Variants in MRPS18A observed in about 807,000 individuals in gnomAD.
MRPS18A encodes the protein large ribosomal subunit protein mL66.
Under a neutral mutation model 22.7 loss-of-function variants are expected in MRPS18A, and 20 were observed. The observed-to-expected ratio is 0.88, with a 90% CI of 0.62 to 1.28. The LOEUF (loss-of-function observed/expected upper bound fraction) is 1.28, where lower values mean the gene tolerates loss of function less well. Among genes scored for constraint, MRPS18A ranks in the 50% most tolerant of loss-of-function variants. The pLI, the probability that MRPS18A is intolerant of heterozygous loss-of-function variation, is 0.00. For synonymous variants in MRPS18A, 106 were observed against 99.1 expected (o/e 1.07, Z -0.41); for missense variants, 294 against 262.6 (o/e 1.12, Z -0.83).
chr6:43,672,044 A>C, intron 5 of MRPS18A, 138 bp from the exon 6 acceptor site: 1 of 1,074,638 alleles, frequency 9.3e-7, no homozygotes, highest in South Asian at 1.7e-5. Context: ...CCTGAAGTGC[A>C]GGGATTTTCC....
chr6:43,671,454 T>TAAGC lies in MRPS18A; in HGVS notation c.*304_*307dup. On this transcript the variant is annotated 3_prime_UTR_variant, in exon 6 of 6. Coordinates refer to ENST00000372133, the MANE Select transcript of MRPS18A (RefSeq NM_018135.4). ...AAGCAGTGAGCGCACACCCAATGGG[T>TAAGC]AAGCCCATGAACCCAGTTTATGACA... is the stretch of plus-strand genomic sequence containing the variant. 3 of 464,788 alleles carry TAAGC rather than the reference T, an allele frequency of 6.5e-6. No individual in the cohort carries two copies. Among genetic ancestry groups the TAAGC allele is most frequent in the Non-Finnish European group, 1.2e-5 (3 of 256,234 alleles). 28.8% of individuals were successfully genotyped at this position (464,788 alleles called of 1,614,324 possible).
Position 43,673,803 on chromosome 6 carries a change from A to C in MRPS18A, c.446+1399T>G, listed in dbSNP as rs1236661894. Among the ~76,000 whole-genome samples the C allele has an allele frequency of 6.6e-6, 1 of 152,198 alleles. No individual in the cohort carries two copies. Among genetic ancestry groups the C allele is most frequent in the African/African-American group, 2.4e-5 (1 of 41,444 alleles). ...CTGCAAGGGAATCCATTTCCTTCGTAGCCTGAACTCCCCCTCCCGCTCAGC... is the reference window on the plus strand; with the variant it reads ...CTGCAAGGGAATCCATTTCCTTCGTCGCCTGAACTCCCCCTCCCGCTCAGC... On this transcript the variant is annotated intron_variant, in intron 5 of 5. Coordinates refer to ENST00000372133, the MANE Select transcript of MRPS18A (RefSeq NM_018135.4). This position sits in a 1 kb window ranked among gnomAD's most constrained non-coding sequence, Gnocchi z 4.2.
chr6:43,674,470 C>T (rs905201120), intron 5 of MRPS18A, among the ~76,000 whole-genome samples: 1 of 152,226 alleles, frequency 6.6e-6, no homozygotes. Context: ...ATCAATTCTA[C>T]AGACCTGGCT....
chr6:43,678,556 TG>T lies in MRPS18A; in HGVS notation c.213del (p.Ile72SerfsTer6). The T allele has an allele frequency of 6.2e-7, 1 of 1,613,890 alleles. No individual in the cohort carries two copies. The highest frequency in any genetic ancestry group is 2.2e-5 in the East Asian group (1 of 44,858). On this transcript the variant is annotated frameshift_variant, in exon 3 of 6. Coordinates refer to ENST00000372133, the MANE Select transcript of MRPS18A (RefSeq NM_018135.4). LOFTEE classifies it high-confidence loss of function. The part of the protein sequence containing the change: ...PNPPNPSGQC[P>X]ICRWNLKHKY... The stretch of plus-strand genomic sequence containing the variant: ...TTGTGCTTCAGGTTCCAACGGCAGA[TG>T]GGGCACTGGCCAGAGGGGTTAGGAG...
rs970756981 is a variant in MRPS18A at position 43,671,449 on chromosome 6, A to G, written c.*313T>C. 6.6e-6 allele frequency: 3 copies of G among 453,020 alleles called. No individual in the cohort carries two copies. Among genetic ancestry groups the G allele is most frequent in the South Asian group, 4.9e-5 (2 of 41,050 alleles). The allele number at this position is 453,020 out of a possible 1,614,324, so 28.1% of individuals were successfully genotyped here. ...TTCCCAAGCAGTGAGCGCACACCCAATGGGTAAGCCCATGAACCCAGTTTA... is the reference window on the plus strand; with the variant it reads ...TTCCCAAGCAGTGAGCGCACACCCAGTGGGTAAGCCCATGAACCCAGTTTA... On this transcript the variant is annotated 3_prime_UTR_variant, in exon 6 of 6. Coordinates refer to ENST00000372133, the MANE Select transcript of MRPS18A (RefSeq NM_018135.4).
rs2127941643 is a variant in MRPS18A at position 43,673,797 on chromosome 6, C to T, written c.446+1405G>A. Among the ~76,000 whole-genome samples the T allele has an allele frequency of 6.6e-6, 1 of 152,354 alleles. No individual in the cohort carries two copies. The highest frequency in any genetic ancestry group is 6.5e-5 in the Admixed American group (1 of 15,312). Reference sequence around the variant, plus strand: ...ACTCCCCTGCAAGGGAATCCATTTCCTTCGTAGCCTGAACTCCCCCTCCCG... The same window carrying T: ...ACTCCCCTGCAAGGGAATCCATTTCTTTCGTAGCCTGAACTCCCCCTCCCG... On this transcript the variant is annotated intron_variant, in intron 5 of 5. Transcript: ENST00000372133. This position sits in a 1 kb window ranked among gnomAD's most constrained non-coding sequence, Gnocchi z 4.2.
intron 5 of MRPS18A, among the ~76,000 whole-genome samples, chr6:43,672,907 G>A (rs1481371422): frequency 6.6e-6 from 1 of 152,122 alleles, no homozygotes; most frequent in Non-Finnish European, 1.5e-5. Context: ...AGGGATGGGA[G>A]GGCCTTCCAT....
intron 3 of MRPS18A, 38 bp downstream of exon 3, chr6:43,678,480 T>C: frequency 6.8e-7 from 1 of 1,472,164 alleles, no homozygotes; most frequent in Non-Finnish European, 9.5e-7. Flanking sequence ...GAGAACTTCA[T>C]GACACACAGA....
rs771496929 is a variant in MRPS18A, at chr6:43,678,596, C to A, written c.174G>T (p.Lys58Asn). ...IIEGRITATP[K>N]ESPNPPNPSG... Reference sequence around the variant, plus strand: ...AGGGGTTAGGAGGATTTGGACTCTCCTTGGGAGTCGCTGTGATACGGCCTT... The same window carrying A: ...AGGGGTTAGGAGGATTTGGACTCTCATTGGGAGTCGCTGTGATACGGCCTT... The change falls in exon 3 of 6, where the codon AAG becomes AAT. Residue 58 changes from lysine to asparagine, a missense_variant. Coordinates refer to ENST00000372133, the MANE Select transcript of MRPS18A (RefSeq NM_018135.4). The A allele has an allele frequency of 6.2e-6, 10 of 1,613,762 alleles. No individual in the cohort carries two copies. Among genetic ancestry groups the A allele is most frequent in the Non-Finnish European group, 8.5e-6 (10 of 1,179,758 alleles).
chr6:43,683,979 A>G (rs751885612), intron 1 of MRPS18A, among the ~76,000 whole-genome samples: 2 of 152,136 alleles, frequency 1.3e-5, no homozygotes, highest in African/African-American at 2.4e-5. Context: ...AACAAATGAC[A>G]TTGTGGTGAG....
chr6:43,675,838 G>A (rs1774024140), intron 3 of MRPS18A, among the ~76,000 whole-genome samples: 1 of 151,846 alleles, frequency 6.6e-6, no homozygotes, highest in Non-Finnish European at 1.5e-5. Context: ...AACCCCAAGA[G>A]CTCCCAGCTT....
intron 1 of MRPS18A, among the ~76,000 whole-genome samples, chr6:43,684,157 G>A (rs1223100684): frequency 6.6e-6 from 1 of 152,002 alleles, no homozygotes; most frequent in African/African-American, 2.4e-5. Context: ...AAACCTTGAT[G>A]GCCACATGAA....
chr6:43,681,044 C>A, intron 2 of MRPS18A, 45 bp downstream of exon 2: 1 of 1,603,654 alleles, frequency 6.2e-7, no homozygotes, highest in South Asian at 1.1e-5. Flanking sequence ...CCAGGCAGCT[C>A]CAAGCGTTAA....
chr6:43,675,446 G>C (rs1050451966), intron 4 of MRPS18A, 48 bp downstream of exon 4: 15 of 1,613,650 alleles, frequency 9.3e-6, no homozygotes, highest in Non-Finnish European at 1.3e-5. Context: ...TGGGTGGGGA[G>C]AGAGTGCCTG....
At chr6:43,684,849 T>C (rs1318488309) in intron 1 of MRPS18A, among the ~76,000 whole-genome samples, 1 of 152,192 alleles carries the variant, frequency 6.6e-6, no homozygotes, top group African/African-American at 2.4e-5. Context: ...TTAATTTATA[T>C]AATAATATGT....
intron 3 of MRPS18A, among the ~76,000 whole-genome samples, chr6:43,676,670 C>T (rs997213985): frequency 6.6e-6 from 1 of 152,226 alleles, no homozygotes; most frequent in African/African-American, 2.4e-5. Context: ...AGCAAGACCC[C>T]GCTGTCATAG....
chr6:43,675,450 G>C, intron 4 of MRPS18A, 44 bp downstream of exon 4: 1 of 1,614,006 alleles, frequency 6.2e-7, no homozygotes, highest in Non-Finnish European at 8.5e-7. Context: ...TGGGGAGAGA[G>C]TGCCTGCAGC....
In MRPS18A at chr6:43,673,179, G is replaced by C. The variant is rs1582406355; in HGVS notation, c.447-1273C>G. Among the ~76,000 whole-genome samples the C allele has an allele frequency of 6.6e-6, 1 of 152,028 alleles. No individual in the cohort carries two copies. Among genetic ancestry groups the C allele is most frequent in the African/African-American group, 2.4e-5 (1 of 41,396 alleles). On this transcript the variant is annotated intron_variant, in intron 5 of 5. Coordinates refer to ENST00000372133, the MANE Select transcript of MRPS18A (RefSeq NM_018135.4). This position sits in a 1 kb window ranked among gnomAD's most constrained non-coding sequence, Gnocchi z 4.2. Reference sequence around the variant, plus strand: ...ATTTTTGTATTTTTAGTAGAGACGTGGTTTCCTCATGTTGGCCAGGCTGGT... The same window carrying C: ...ATTTTTGTATTTTTAGTAGAGACGTCGTTTCCTCATGTTGGCCAGGCTGGT...
chr6:43,674,509 C>A (rs1773939725), intron 5 of MRPS18A, among the ~76,000 whole-genome samples: 1 of 152,192 alleles, frequency 6.6e-6, no homozygotes, highest in Non-Finnish European at 1.5e-5. Context: ...TACTAGAGAT[C>A]TAAGACTATG....
Sources: allele counts gnomAD v4.1 joint callset (sites outside exome capture counted in the v4.1 genomes callset), GRCh38; gene constraint gnomAD v4.1.1; non-coding constraint Gnocchi (gnomAD v3.1); transcripts MANE v1.5; gene names NCBI Gene and HGNC (gene_info 2026-07-23, HGNC 2026-07-21).